Variants in OSBPL2 observed in about 807,000 individuals in gnomAD.
OSBPL2 encodes oxysterol binding protein like 2, also known as oxysterol-binding protein-related protein 2.
Under a neutral mutation model 58.4 loss-of-function variants are expected in OSBPL2, and 18 were observed. The ratio of observed to expected loss-of-function variants is 0.31; its 90% CI spans 0.21 to 0.46. The LOEUF (loss-of-function observed/expected upper bound fraction) is 0.46, where lower values mean the gene tolerates loss of function less well. Ranked by LOEUF, OSBPL2 falls within the 20% of genes least tolerant of loss-of-function variation. The pLI, the probability that OSBPL2 is intolerant of heterozygous loss-of-function variation, is 1.00. For missense variants in OSBPL2, 461 were observed against 616.5 expected, an observed-to-expected ratio of 0.75 and a Z score of 2.67; for synonymous variants, 221 against 234.1, an observed-to-expected ratio of 0.94 and a Z score of 0.51.
chr20:62,282,188 C>G (rs772455103), intron 9 of OSBPL2: 1 of 228,850 alleles, frequency 4.4e-6, no homozygotes, highest in Admixed American at 5.0e-5. Flanking sequence ...GGGACTGTTT[C>G]GCAGCAGAGC....
intron 9 of OSBPL2, 35 bp downstream of exon 9, chr20:62,281,914 A>G (rs962061783): frequency 7.0e-7 from 1 of 1,424,602 alleles, no homozygotes; most frequent in East Asian, 2.3e-5. Context: ...GGGCACCACT[A>G]CAGCCTGTGT....
chr20:62,277,368 G>A (rs1477458654), intron 6 of OSBPL2, among the ~76,000 whole-genome samples: 1 of 152,264 alleles, frequency 6.6e-6, no homozygotes, highest in Non-Finnish European at 1.5e-5. Flanking sequence ...AGCGGGGCGT[G>A]CCGCCAGCAC....
rs923066109 is a variant in OSBPL2, at chr20:62,269,229, G to A, written c.259-2896G>A. On this transcript the variant is annotated intron_variant, in intron 4 of 13. Transcript: ENST00000313733. The surrounding 1 kb of genome is among the most constrained non-coding windows in gnomAD (Gnocchi z 4.2). The stretch of plus-strand genomic sequence containing the variant: ...CTTCTGAATCTTTTAATGGCGCGGC[G>A]CTCCCTCACATGGCTGCCACCTAGC... Among the ~76,000 whole-genome samples, 5 of 152,092 alleles carry A rather than the reference G, an allele frequency of 3.3e-5. No homozygotes were observed. The highest frequency in any genetic ancestry group is 4.8e-5 in the African/African-American group (2 of 41,412).
At chr20:62,280,295 AAGC>A in intron 7 of OSBPL2, 1 of 388,692 alleles carries the variant, frequency 2.6e-6, no homozygotes, top group South Asian at 2.1e-5. Flanking sequence ...GGACCTGGAG[AAGC>A]CCCTGAGAGT....
intron 2 of OSBPL2, among the ~76,000 whole-genome samples, chr20:62,258,509 A>C (rs1405901295): frequency 6.6e-5 from 10 of 152,240 alleles, no homozygotes; most frequent in Non-Finnish European, 1.5e-5. Context: ...GCTAATAAAA[A>C]CAAGGGTTTC....
chr20:62,267,384 T>G (rs990704586), intron 4 of OSBPL2, among the ~76,000 whole-genome samples: 1 of 152,192 alleles, frequency 6.6e-6, no homozygotes, highest in Non-Finnish European at 1.5e-5. Flanking sequence ...CCACAAATTG[T>G]TCCATCTTTG....
chr20:62,250,081 C>T (rs1980422075), intron 1 of OSBPL2, among the ~76,000 whole-genome samples: 1 of 152,254 alleles, frequency 6.6e-6, no homozygotes, highest in Non-Finnish European at 1.5e-5. Context: ...AAGAAGGGCC[C>T]TCCTGGGAGC....
chr20:62,251,796 T>C (rs906522896), intron 1 of OSBPL2, among the ~76,000 whole-genome samples: 2 of 149,928 alleles, frequency 1.3e-5, no homozygotes, highest in Admixed American at 1.3e-4. Flanking sequence ...AATGTCTCCA[T>C]GAAATCCTGT....
intron 4 of OSBPL2, 138 bp downstream of exon 4, chr20:62,263,829 G>A: frequency 1.4e-6 from 1 of 701,034 alleles, no homozygotes; most frequent in East Asian, 2.7e-5. Flanking sequence ...ACTTTGGGAG[G>A]CCGAGGTGGG....
intron 1 of OSBPL2, among the ~76,000 whole-genome samples, chr20:62,255,398 C>T (rs1362516736): frequency 6.6e-6 from 1 of 152,170 alleles, no homozygotes; most frequent in South Asian, 2.1e-4. Context: ...CAGGGGTGAG[C>T]CACCACACCC....
intron 1 of OSBPL2, among the ~76,000 whole-genome samples, chr20:62,251,870 T>TTTTTC (rs1250790559): frequency 1.5e-4 from 7 of 48,100 alleles, no homozygotes; most frequent in African/African-American, 3.4e-4. Context: ...TATGCCTTTT[T>TTTTTC]TTTTTTTTTT....
rs950460419 is a variant in OSBPL2 at position 62,288,065 on chromosome 20, C to T, written c.1126-1142C>T. 2.0e-5 allele frequency among the ~76,000 whole-genome samples: 3 copies of T among 151,334 alleles called. No individual in the cohort carries two copies. The highest frequency in any genetic ancestry group is 1.3e-4 in the Admixed American group (2 of 15,192). On this transcript the variant is annotated intron_variant, in intron 11 of 13. Transcript: ENST00000313733. This position sits in a 1 kb window ranked among gnomAD's most constrained non-coding sequence, Gnocchi z 4.8. ...GGGGTGTCTAGGGATTGCGTTTGGG[C>T]GGAGGGGACAGTCAGGGCAGAGACC... is the stretch of plus-strand genomic sequence containing the variant.
chr20:62,258,781 A>G (rs1981105242), intron 2 of OSBPL2, among the ~76,000 whole-genome samples: 1 of 152,222 alleles, frequency 6.6e-6, no homozygotes, highest in African/African-American at 2.4e-5. Flanking sequence ...GCCCCACGGA[A>G]TTCCCTTAAG....
intron 11 of OSBPL2, among the ~76,000 whole-genome samples, chr20:62,287,467 T>C (rs1313016810): frequency 2.6e-5 from 4 of 152,240 alleles, no homozygotes; most frequent in Non-Finnish European, 4.4e-5. Context: ...CTATTTTCTT[T>C]TTTAATAGAG....
chr20:62,289,041 C>T (rs1024955880), intron 11 of OSBPL2, among the ~76,000 whole-genome samples, 166 bp from the exon 12 acceptor site: 2 of 152,180 alleles, frequency 1.3e-5, no homozygotes, highest in Admixed American at 6.5e-5. Context: ...TTAGTGAAGA[C>T]GGCAGAGGCA....
chr20:62,286,693 GC>G lies in OSBPL2; in HGVS notation c.1113del (p.Asn372ThrfsTer13). 1 of 1,612,780 alleles carries G rather than the reference GC, an allele frequency of 6.2e-7. No homozygotes were observed. On this transcript the variant is annotated frameshift_variant, in exon 11 of 14. Transcript: ENST00000313733. LOFTEE classifies it high-confidence loss of function. ...SKLLWRINTR[P>X]PNSAQMYNFT... ...AGCTGCTCTGGAGGATCAACACCCG[GC>G]CCCCCAACTCTGCCCAGGTCTGTGT...
At chr20:62,248,764 C>T (rs987680803) in intron 1 of OSBPL2, among the ~76,000 whole-genome samples, 3 of 152,034 alleles carry the variant, frequency 2.0e-5, no homozygotes, top group African/African-American at 7.3e-5. Flanking sequence ...AATCATAGCT[C>T]ACTGCAGCCT....
At chr20:62,286,212 G>T in intron 10 of OSBPL2, 1 of 186,400 alleles carries the variant, frequency 5.4e-6, no homozygotes, top group South Asian at 9.7e-5. Context: ...ACTTTTGGAG[G>T]CCGAGGTGGG....
chr20:62,240,628 G>A (rs1007057434), intron 1 of OSBPL2, among the ~76,000 whole-genome samples: 1 of 152,130 alleles, frequency 6.6e-6, no homozygotes, highest in African/African-American at 2.4e-5. Context: ...ACACTACCCT[G>A]TACTGCCTTT....
Sources: allele counts gnomAD v4.1 joint callset (sites outside exome capture counted in the v4.1 genomes callset), GRCh38; gene constraint gnomAD v4.1.1; non-coding constraint Gnocchi (gnomAD v3.1); transcripts MANE v1.5; gene names NCBI Gene and HGNC (gene_info 2026-07-23, HGNC 2026-07-21).